The following LHPP variants were observed in gnomAD, a reference collection of about 807,000 sequenced individuals.
LHPP encodes the protein hLHPP.
LHPP carries 24 observed loss-of-function variants against 30.3 expected under a neutral mutation model. The observed-to-expected ratio is 0.79, with a 90% CI of 0.57 to 1.11. LHPP has a LOEUF of 1.11. LHPP is among the 50% of genes most tolerant of loss of function. The pLI is 0.00. For missense variants in LHPP, 356 were observed against 367.2 expected, an observed-to-expected ratio of 0.97 and a Z score of 0.25; for synonymous variants, 150 against 157.1, an observed-to-expected ratio of 0.95 and a Z score of 0.34.
chr10:124,501,462 C>T (rs7899025), intron 5 of LHPP, among the ~76,000 whole-genome samples: 16,196 of 151,352 alleles, frequency 0.11, 1,589 homozygotes, highest in African/African-American at 0.25. Context: ...ATTAGCCAGA[C>T]GTGGTGGTGT....
intron 6 of LHPP, among the ~76,000 whole-genome samples, chr10:124,591,792 C>T (rs1001143574): frequency 6.6e-6 from 1 of 150,986 alleles, no homozygotes; most frequent in African/African-American, 2.4e-5. Flanking sequence ...TTGTTCTAAG[C>T]TCCGCAGCTG....
At chr10:124,473,588 C>A (rs1952854057) in intron 1 of LHPP, among the ~76,000 whole-genome samples, 2 of 152,146 alleles carry the variant, frequency 1.3e-5, no homozygotes. Flanking sequence ...GGCTGCAGCT[C>A]AAGGGCCCCA....
intron 6 of LHPP, among the ~76,000 whole-genome samples, chr10:124,562,510 A>T (rs1948411515): frequency 6.6e-6 from 1 of 152,236 alleles, no homozygotes; most frequent in Non-Finnish European, 1.5e-5. Context: ...AAATAGACTG[A>T]AAAGAATGAA....
chr10:124,548,897 C>A (rs1279824202), intron 6 of LHPP, among the ~76,000 whole-genome samples: 2 of 152,186 alleles, frequency 1.3e-5, no homozygotes, highest in Non-Finnish European at 2.9e-5. Context: ...AAGGTGGGAT[C>A]GCAGCCTTGG....
At chr10:124,488,382 C>T (rs1953404954) in intron 2 of LHPP, 40 bp from the exon 3 acceptor site, 1 of 1,608,626 alleles carries the variant, frequency 6.2e-7, no homozygotes. Context: ...CCATGTCCTC[C>T]CAGGGCTCCG....
At chr10:124,508,898 A>G (rs1023208117) in intron 5 of LHPP, among the ~76,000 whole-genome samples, 6 of 152,050 alleles carry the variant, frequency 3.9e-5, no homozygotes, top group African/African-American at 1.4e-4. Flanking sequence ...TTTTAGGTTC[A>G]GGGATACGTG....
intron 6 of LHPP, among the ~76,000 whole-genome samples, chr10:124,528,501 G>A (rs568660478): frequency 6.6e-6 from 1 of 152,198 alleles, no homozygotes; most frequent in Non-Finnish European, 1.5e-5. Context: ...TGGGAATACA[G>A]ATGTCTGCCA....
At chr10:124,550,822 GCTGAGCC>G (rs1053554382) in intron 6 of LHPP, among the ~76,000 whole-genome samples, 1 of 152,202 alleles carries the variant, frequency 6.6e-6, no homozygotes, top group African/African-American at 2.4e-5. Context: ...GTCTGGGACA[GCTGAGCC>G]CTCCTGCCCA....
chr10:124,467,677 A>G (rs770883764), intron 1 of LHPP, among the ~76,000 whole-genome samples: 2 of 148,582 alleles, frequency 1.3e-5, no homozygotes, highest in African/African-American at 2.5e-5. Context: ...ATACCTCCAC[A>G]TGCAGGTTTT....
chr10:124,595,547 A>G (rs1376609119), intron 6 of LHPP, among the ~76,000 whole-genome samples: 1 of 152,118 alleles, frequency 6.6e-6, no homozygotes, highest in Non-Finnish European at 1.5e-5. Context: ...TTCTGTGTTA[A>G]CCTACAGGGA....
intron 6 of LHPP, among the ~76,000 whole-genome samples, chr10:124,611,886 T>C (rs373753893): frequency 6.6e-6 from 1 of 152,182 alleles, no homozygotes; most frequent in South Asian, 2.1e-4. Context: ...CGGGAGACTG[T>C]GGTTTCCCTG....
intron 6 of LHPP, among the ~76,000 whole-genome samples, chr10:124,604,804 C>T (rs1432985093): frequency 6.6e-6 from 1 of 152,254 alleles, no homozygotes; most frequent in Non-Finnish European, 1.5e-5. Context: ...CTTTCCAAAG[C>T]AAATGGGGAC....
chr10:124,520,111 G>A (rs1339251782), intron 6 of LHPP, among the ~76,000 whole-genome samples: 2 of 152,048 alleles, frequency 1.3e-5, no homozygotes, highest in Non-Finnish European at 2.9e-5. Context: ...AGGATTACAG[G>A]TGTGAGCCAC....
intron 6 of LHPP, among the ~76,000 whole-genome samples, chr10:124,561,575 A>C (rs1948395688): frequency 1.3e-5 from 2 of 151,944 alleles, no homozygotes; most frequent in South Asian, 4.1e-4. Context: ...CACAGTAATG[A>C]GGGATTCCTG....
intron 6 of LHPP, among the ~76,000 whole-genome samples, chr10:124,575,369 C>G (rs10794156): frequency 0.46 from 69,560 of 152,064 alleles, 18,432 homozygotes; most frequent in African/African-American, 0.71. Flanking sequence ...CACACTGGGG[C>G]TTAGGGCTTC....
At chr10:124,505,952 C>T (rs1249700124) in intron 5 of LHPP, among the ~76,000 whole-genome samples, 1 of 152,100 alleles carries the variant, frequency 6.6e-6, no homozygotes, top group Admixed American at 6.6e-5. Context: ...GAGGTTAAGA[C>T]AGGATTTCTC....
intron 6 of LHPP, among the ~76,000 whole-genome samples, chr10:124,575,230 C>T (rs772010260): frequency 9.2e-5 from 14 of 152,014 alleles, no homozygotes; most frequent in Non-Finnish European, 1.3e-4. Context: ...AGTCATGAAG[C>T]GGCGTGCACC....
chr10:124,542,221 C>A (rs1357395526), intron 6 of LHPP, among the ~76,000 whole-genome samples: 1 of 152,196 alleles, frequency 6.6e-6, no homozygotes, highest in African/African-American at 2.4e-5. Flanking sequence ...CTCTGGTGGG[C>A]ACGGGGCTTG....
chr10:124,545,745 A>AT (rs571014415), intron 6 of LHPP, among the ~76,000 whole-genome samples: 1 of 152,160 alleles, frequency 6.6e-6, no homozygotes, highest in South Asian at 2.1e-4. Flanking sequence ...GTGGTTTTTG[A>AT]TTTTTTTAAT....
Sources: allele counts gnomAD v4.1 joint callset (sites outside exome capture counted in the v4.1 genomes callset), GRCh38; gene constraint gnomAD v4.1.1; transcripts MANE v1.5; gene names NCBI Gene and HGNC (gene_info 2026-07-23, HGNC 2026-07-21).